The following NUMBL variants were observed in gnomAD, a reference collection of about 807,000 sequenced individuals.
The protein encoded by NUMBL is numb-like protein.
In NUMBL, 20 loss-of-function variants were observed where a neutral mutation model predicts 48.9. The ratio of observed to expected loss-of-function variants is 0.41; its 90% CI spans 0.29 to 0.59. The LOEUF is 0.59. NUMBL is among the 20% of genes least tolerant of loss of function. The probability of loss-of-function intolerance (pLI) is 0.31; values close to 1 mark genes in which losing one functional copy is unlikely to be tolerated. For synonymous variants in NUMBL, 340 were observed against 348.7 expected (o/e 0.98, Z 0.28); for missense variants, 660 against 846.2 (o/e 0.78, Z 2.73).
At position 40,687,130 on chromosome 19, in the gene NUMBL, A is replaced by G; in HGVS notation, c.25-135T>C. 3.4e-6 allele frequency: 2 copies of G among 585,422 alleles called. No individual in the cohort carries two copies. The highest frequency in any genetic ancestry group is 3.0e-6 in the Non-Finnish European group (1 of 336,958). The allele number at this position is 585,422 out of a possible 1,614,324, so 36.3% of individuals were successfully genotyped here. A position where few individuals can be genotyped will look rare whatever the true frequency, so the allele number is the denominator to read the frequency against. ...GATGAGAGTCCTAGTTGTCCTAGCA[A>G]CTGTTACCAGGGAGATCAGCCACCT... On this transcript the variant is annotated intron_variant, in intron 1 of 9. Coordinates refer to ENST00000252891, the MANE Select transcript of NUMBL (RefSeq NM_004756.5). This position sits in a 1 kb window ranked among gnomAD's most constrained non-coding sequence, Gnocchi z 4.6.
Position 40,684,562 on chromosome 19 carries a change from G to T in NUMBL, c.110-6C>A. On this transcript the variant is annotated splice_region_variant and splice_polypyrimidine_tract_variant and intron_variant, in intron 2 of 9. Coordinates refer to ENST00000252891, the MANE Select transcript of NUMBL (RefSeq NM_004756.5). ...GTTCATGGTGCCCGCCCCGTCTGGT[G>T]ACACAGGACAGTGATGTGGGTCAAG... is the stretch of plus-strand genomic sequence containing the variant. 6.2e-7 allele frequency: 1 copy of T among 1,603,454 alleles called. No homozygotes were observed. Among genetic ancestry groups the T allele is most frequent in the South Asian group, 1.1e-5 (1 of 89,904 alleles).
chr19:40,680,698 C>A (rs1362942367), intron 6 of NUMBL, among the ~76,000 whole-genome samples: 2 of 152,178 alleles, frequency 1.3e-5, no homozygotes, highest in African/African-American at 4.8e-5. Flanking sequence ...ATCCCCCCGC[C>A]CCAGCATCCC....
At chr19:40,678,167 A>G (rs1369340565) in intron 6 of NUMBL, among the ~76,000 whole-genome samples, 2 of 151,762 alleles carry the variant, frequency 1.3e-5, no homozygotes, top group East Asian at 3.9e-4. Context: ...GCCCTTATTT[A>G]TTTATTTTTT....
chr19:40,671,906 G>T (rs986486310), intron 8 of NUMBL, among the ~76,000 whole-genome samples: 2 of 151,788 alleles, frequency 1.3e-5, no homozygotes, highest in African/African-American at 4.8e-5. Context: ...TTTGAGACAG[G>T]TTCTCACTCT....
chr19:40,676,374 C>T (rs890018231), intron 7 of NUMBL, among the ~76,000 whole-genome samples: 18 of 152,004 alleles, frequency 1.2e-4, no homozygotes, highest in Non-Finnish European at 2.2e-4. Context: ...GCCTGGGCAA[C>T]AGAATTAGAC....
At chr19:40,677,538 T>C (rs1243137105) in intron 6 of NUMBL, 117 bp from the exon 7 acceptor site, 2 of 860,186 alleles carry the variant, frequency 2.3e-6, no homozygotes, top group Non-Finnish European at 3.5e-6. Flanking sequence ...TCTGCACTTC[T>C]CTGGGCCTCA....
Position 40,682,774 on chromosome 19 carries a change from A to G in NUMBL, c.353T>C (p.Leu118Pro). The change falls in exon 5 of 10, where the codon CTG (leucine) becomes CCG (proline). Residue 118 changes from leucine (L) to proline (P), a missense_variant. By Grantham distance (98) the Leu-to-Pro change is moderately conservative (BLOSUM62 -3). Around this residue, in one of 3 missense-constraint regions of NUMBL, gnomAD observed 278 missense variants for 420.6 expected, o/e 0.66. Transcript: ENST00000252891. The surrounding 1 kb of genome is among the most constrained non-coding windows in gnomAD (Gnocchi z 4.0). The part of the protein sequence containing the change: ...AMGRKSVKSV[L>P]WVSADGLRVV... ...TCGGAGCCCATCGGCTGACACCCAC[A>G]GGACAGACTTCACGGACTTTCGGCC... 1 of 1,614,194 alleles carries G rather than the reference A, an allele frequency of 6.2e-7. No individual in the cohort carries two copies. Among genetic ancestry groups the G allele is most frequent in the Non-Finnish European group, 8.5e-7 (1 of 1,180,034 alleles).
At chr19:40,677,021 G>C (rs2081879775) in intron 7 of NUMBL, among the ~76,000 whole-genome samples, 1 of 152,016 alleles carries the variant, frequency 6.6e-6, no homozygotes, top group Non-Finnish European at 1.5e-5. Context: ...ACCATGTCGC[G>C]CAGGCTGGTC....
rs1353954565 is a variant in NUMBL, at chr19:40,684,357, C to T, written c.249+60G>A. Reference sequence around the variant, plus strand: ...GTCCCAGCCAGGCCGCGCACCCGCACAGCACAGCACAGCGGCCCCCGTCCC... The same window carrying T: ...GTCCCAGCCAGGCCGCGCACCCGCATAGCACAGCACAGCGGCCCCCGTCCC... On this transcript the variant is annotated intron_variant, in intron 3 of 9. Transcript: ENST00000252891. 4 of 1,511,638 alleles carry T rather than the reference C, an allele frequency of 2.6e-6. No homozygotes were observed. The African/African-American group carries it at 4.2e-5, about 16-fold the overall frequency. 93.6% of individuals were successfully genotyped at this position (1,511,638 alleles called of 1,614,324 possible).
At chr19:40,678,733 G>A (rs1338032791) in intron 6 of NUMBL, among the ~76,000 whole-genome samples, 2 of 152,152 alleles carry the variant, frequency 1.3e-5, no homozygotes, top group Admixed American at 6.6e-5. Context: ...AAAAAATCTG[G>A]AAACAAATAC....
chr19:40,687,975 TCACA>T lies in NUMBL; in HGVS notation c.25-984_25-981del, dbSNP rs1332844763. The stretch of plus-strand genomic sequence containing the variant: ...TGCTCAAATCTGGTCACAGCATCAG[TCACA>T]CAGTCTATTGTGACAGCCACACTCA... On this transcript the variant is annotated intron_variant, in intron 1 of 9. Coordinates refer to ENST00000252891, the MANE Select transcript of NUMBL (RefSeq NM_004756.5). This position sits in a 1 kb window ranked among gnomAD's most constrained non-coding sequence, Gnocchi z 4.6. 6.6e-6 allele frequency among the ~76,000 whole-genome samples: 1 copy of T among 152,134 alleles called. No individual in the cohort carries two copies. The highest frequency in any genetic ancestry group is 1.5e-5 in the Non-Finnish European group (1 of 68,024).
chr19:40,672,704 T>C (rs1457816288), intron 8 of NUMBL, among the ~76,000 whole-genome samples: 1 of 152,220 alleles, frequency 6.6e-6, no homozygotes, highest in Non-Finnish European at 1.5e-5. Flanking sequence ...ATGTGTGCCA[T>C]CTTTCTCGTT....
Position 40,687,115 on chromosome 19 carries a change from C to T in NUMBL, c.25-120G>A. The T allele has an allele frequency of 3.3e-6, 2 of 601,186 alleles. No homozygotes were observed. The highest frequency in any genetic ancestry group is 4.3e-4 in the Middle Eastern group (1 of 2,318). The allele number at this position is 601,186 out of a possible 1,614,324, so 37.2% of individuals were successfully genotyped here. ...CATCTTGGGCTCCCTGATGAGAGTC[C>T]TAGTTGTCCTAGCAACTGTTACCAG... On this transcript the variant is annotated intron_variant, in intron 1 of 9. Coordinates refer to ENST00000252891, the MANE Select transcript of NUMBL (RefSeq NM_004756.5). This position sits in a 1 kb window ranked among gnomAD's most constrained non-coding sequence, Gnocchi z 4.6.
At chr19:40,681,668 A>AAT (rs1396275184) in intron 5 of NUMBL, among the ~76,000 whole-genome samples, 7 of 151,820 alleles carry the variant, frequency 4.6e-5, no homozygotes, top group East Asian at 3.9e-4. Flanking sequence ...ACCCCATTTA[A>AAT]ATATATATAT....
chr19:40,670,595 C>G (rs2144649808), intron 8 of NUMBL, among the ~76,000 whole-genome samples: 1 of 152,046 alleles, frequency 6.6e-6, no homozygotes, highest in South Asian at 2.1e-4. Flanking sequence ...ATTAAGGACT[C>G]CCATGTGTGG....
intron 8 of NUMBL, among the ~76,000 whole-genome samples, chr19:40,670,470 A>G (rs2081841394): frequency 6.6e-6 from 1 of 152,128 alleles, no homozygotes; most frequent in East Asian, 1.9e-4. Context: ...AGGCTGATCT[A>G]TGGCAAACAT....
chr19:40,684,284 T>G, intron 3 of NUMBL, 133 bp downstream of exon 3: 2 of 932,274 alleles, frequency 2.1e-6, no homozygotes, highest in Non-Finnish European at 3.1e-6. Context: ...TAGCCAGGAC[T>G]GCCGGCCTCA....
chr19:40,672,566 G>A (rs1342884572), intron 8 of NUMBL, among the ~76,000 whole-genome samples: 1 of 152,184 alleles, frequency 6.6e-6, no homozygotes, highest in Admixed American at 6.5e-5. Context: ...TGCCCTGCAT[G>A]TCATGTTTCT....
intron 3 of NUMBL, among the ~76,000 whole-genome samples, chr19:40,683,387 T>A (rs575727444): frequency 6.6e-6 from 1 of 152,326 alleles, no homozygotes; most frequent in South Asian, 2.1e-4. Flanking sequence ...CATCTGCAGG[T>A]GGGATGACTG....
Sources: allele counts gnomAD v4.1 joint callset (sites outside exome capture counted in the v4.1 genomes callset), GRCh38; gene constraint gnomAD v4.1.1; regional missense constraint gnomAD v4.1.1; non-coding constraint Gnocchi (gnomAD v3.1); transcripts MANE v1.5; gene names NCBI Gene and HGNC (gene_info 2026-07-23, HGNC 2026-07-21).